Variants in OSBPL10 observed in about 807,000 individuals in gnomAD.
OSBPL10 encodes oxysterol binding protein like 10.
OSBPL10 carries 49 observed loss-of-function variants against 81.7 expected under a neutral mutation model. The ratio of observed to expected loss-of-function variants is 0.60; its 90% CI spans 0.48 to 0.76. The LOEUF (loss-of-function observed/expected upper bound fraction) is 0.76. Among genes scored for constraint, OSBPL10 ranks in the 30% least tolerant of loss-of-function variants. OSBPL10 has a pLI of 0.00. For missense variants in OSBPL10, 923 were observed against 987.8 expected (o/e 0.93, Z 0.88); for synonymous variants, 419 against 383.6 (o/e 1.09, Z -1.08).
intron 2 of OSBPL10, among the ~76,000 whole-genome samples, chr3:32,011,541 C>A (rs1334284714): frequency 6.6e-6 from 1 of 152,230 alleles, no homozygotes; most frequent in African/African-American, 2.4e-5. Flanking sequence ...AGCCTCTCCT[C>A]CTCCAAAGGA....
chr3:31,936,174 T>G (rs1199785066), intron 1 of OSBPL10, among the ~76,000 whole-genome samples: 1 of 152,220 alleles, frequency 6.6e-6, no homozygotes, highest in East Asian at 1.9e-4. Context: ...CCTCTCATGC[T>G]TTAATAATTT....
intron 1 of OSBPL10, among the ~76,000 whole-genome samples, chr3:31,974,962 C>T (rs1191952750): frequency 6.6e-6 from 1 of 152,132 alleles, no homozygotes; most frequent in African/African-American, 2.4e-5. Flanking sequence ...GCAAAACAGA[C>T]ACACATTCAC....
intron 1 of OSBPL10, among the ~76,000 whole-genome samples, chr3:31,930,588 A>G (rs1423841678): frequency 6.6e-6 from 1 of 152,232 alleles, no homozygotes; most frequent in African/African-American, 2.4e-5. Context: ...AGAATGATGA[A>G]TGAATCACAG....
At chr3:31,788,486 A>T (rs1166434337) in intron 4 of OSBPL10, among the ~76,000 whole-genome samples, 5 of 152,116 alleles carry the variant, frequency 3.3e-5, no homozygotes, top group Non-Finnish European at 5.9e-5. Context: ...GGTGGGTGGG[A>T]TAGGAAAGTT....
chr3:31,994,902 A>G (rs1475380413), intron 2 of OSBPL10, among the ~76,000 whole-genome samples: 1 of 152,148 alleles, frequency 6.6e-6, no homozygotes, highest in East Asian at 1.9e-4. Context: ...GAGTACAAAG[A>G]GAGGAATTTT....
At chr3:31,933,406 ATTT>A (rs372720220) in intron 1 of OSBPL10, among the ~76,000 whole-genome samples, 4 of 148,320 alleles carry the variant, frequency 2.7e-5, no homozygotes, top group East Asian at 2.0e-4. Context: ...GAAACAATAA[ATTT>A]TTTTTTTTTT....
intron 2 of OSBPL10, among the ~76,000 whole-genome samples, chr3:31,999,823 A>G (rs1190852558): frequency 1.3e-5 from 2 of 151,836 alleles, no homozygotes; most frequent in African/African-American, 4.8e-5. Flanking sequence ...TTGTACTGAA[A>G]CTCTCTAAAC....
At chr3:31,871,003 G>C (rs959839757) in intron 3 of OSBPL10, among the ~76,000 whole-genome samples, 1 of 152,068 alleles carries the variant, frequency 6.6e-6, no homozygotes, top group African/African-American at 2.4e-5. Flanking sequence ...GATTGTAAAC[G>C]CACCAATCAG....
At position 32,025,184 on chromosome 3, in the gene OSBPL10, G is replaced by A. The variant is rs373530392; in HGVS notation, n.298+21307C>T. 3.3e-4 allele frequency among the ~76,000 whole-genome samples: 51 copies of A among 152,256 alleles called. 1 individual carries two copies. The highest frequency in any genetic ancestry group is 1.2e-3 in the South Asian group (6 of 4,830). ...GAAGGACCCCTCTATCTTGTTTGAT[G>A]AGGGTTTTTATCATGAATTGGTGCT... On this transcript the variant is annotated intron_variant and non_coding_transcript_variant, in intron 2 of 3. Coordinates refer to the OSBPL10 transcript ENST00000479173.
chr3:31,695,167 C>T (rs1695675296), intron 7 of OSBPL10, among the ~76,000 whole-genome samples: 1 of 152,238 alleles, frequency 6.6e-6, no homozygotes, highest in African/African-American at 2.4e-5. Flanking sequence ...CCACAGTCTG[C>T]ATCCCCCACC....
At chr3:31,933,933 A>G (rs1040360429) in intron 1 of OSBPL10, among the ~76,000 whole-genome samples, 3 of 152,200 alleles carry the variant, frequency 2.0e-5, no homozygotes, top group African/African-American at 4.8e-5. Flanking sequence ...GCTACAGTTA[A>G]GAATAAAATC....
chr3:31,813,338 C>G (rs1699756000), intron 4 of OSBPL10, among the ~76,000 whole-genome samples: 1 of 152,204 alleles, frequency 6.6e-6, no homozygotes, highest in South Asian at 2.1e-4. Context: ...CAGGGAACAG[C>G]TCATGGCCTG....
intron 1 of OSBPL10, among the ~76,000 whole-genome samples, chr3:31,974,867 T>G (rs1698652538): frequency 6.6e-6 from 1 of 152,174 alleles, no homozygotes; most frequent in African/African-American, 2.4e-5. Context: ...AGATTAGACT[T>G]GAAATTTACT....
intron 4 of OSBPL10, among the ~76,000 whole-genome samples, chr3:31,785,433 T>C (rs901874778): frequency 1.3e-5 from 2 of 152,010 alleles, no homozygotes; most frequent in African/African-American, 4.8e-5. Context: ...CAAGATAAAA[T>C]CCAGATCTGG....
chr3:32,029,306 T>A (rs925025509), intron 2 of OSBPL10, among the ~76,000 whole-genome samples: 16 of 152,334 alleles, frequency 1.1e-4, no homozygotes, highest in African/African-American at 3.6e-4. Flanking sequence ...TAAGGCTTTT[T>A]AATTTTATTT....
chr3:31,838,664 CA>C (rs886930299), intron 3 of OSBPL10, among the ~76,000 whole-genome samples: 40 of 151,948 alleles, frequency 2.6e-4, no homozygotes, highest in African/African-American at 9.4e-4. Context: ...AACTGAGGTC[CA>C]AAAAAGTCAC....
intron 1 of OSBPL10, among the ~76,000 whole-genome samples, chr3:31,922,120 G>A (rs79767576): frequency 2.1e-3 from 326 of 152,226 alleles, no homozygotes; most frequent in Non-Finnish European, 3.7e-3. Flanking sequence ...AATGTAATAC[G>A]GTATCCTGGA....
chr3:31,899,737 T>G (rs908373307), intron 1 of OSBPL10, among the ~76,000 whole-genome samples: 3 of 152,050 alleles, frequency 2.0e-5, no homozygotes, highest in African/African-American at 7.2e-5. Context: ...TCCCAGCACT[T>G]TGAAAGGCTG....
intron 1 of OSBPL10, among the ~76,000 whole-genome samples, chr3:31,970,463 T>C (rs567116296): frequency 6.6e-6 from 1 of 152,314 alleles, no homozygotes; most frequent in East Asian, 1.9e-4. Flanking sequence ...CAAAGAAGGT[T>C]CCAGGAAATT....
Sources: allele counts gnomAD v4.1 joint callset (sites outside exome capture counted in the v4.1 genomes callset), GRCh38; gene constraint gnomAD v4.1.1; transcripts MANE v1.5; gene names NCBI Gene and HGNC (gene_info 2026-07-23, HGNC 2026-07-21).